The following TFEC variants were observed in gnomAD, a reference collection of about 807,000 sequenced individuals.
The protein encoded by TFEC is transcription factor EC, also known as class E basic helix-loop-helix protein 34.
Under a neutral mutation model 41.6 loss-of-function variants are expected in TFEC, and 31 were observed. That is an observed-to-expected ratio of 0.74 (90% confidence interval 0.56 to 1.01). The LOEUF (loss-of-function observed/expected upper bound fraction) is 1.01, where lower values mean the gene tolerates loss of function less well. TFEC is among the 50% of genes least tolerant of loss of function. TFEC has a pLI of 0.00. For missense variants in TFEC, 402 were observed against 404.1 expected, an observed-to-expected ratio of 0.99 and a Z score of 0.04; for synonymous variants, 143 against 140.6, an observed-to-expected ratio of 1.02 and a Z score of -0.12.
intron 5 of TFEC, 101 bp from the exon 6 acceptor site, chr7:115,951,050 A>T: frequency 3.5e-6 from 2 of 576,994 alleles, no homozygotes; most frequent in Non-Finnish European, 5.5e-6. Context: ...AATGGGAAAA[A>T]AACTTTCCAT....
At chr7:116,090,918 G>A (rs1003118294) in intron 3 of TFEC, among the ~76,000 whole-genome samples, 1 of 151,304 alleles carries the variant, frequency 6.6e-6, no homozygotes, top group Non-Finnish European at 1.5e-5. Flanking sequence ...GTTGAACAAT[G>A]AGAACATAGG....
At chr7:116,071,350 A>T (rs918068648) in intron 3 of TFEC, among the ~76,000 whole-genome samples, 2 of 134,292 alleles carry the variant, frequency 1.5e-5, no homozygotes, top group Non-Finnish European at 3.1e-5. Context: ...TACTAGAGTT[A>T]AAAAAAAAAA....
At chr7:116,138,314 CATGAT>C (rs1325074897) in intron 1 of TFEC, among the ~76,000 whole-genome samples, 1 of 152,250 alleles carries the variant, frequency 6.6e-6, no homozygotes, top group East Asian at 1.9e-4. Flanking sequence ...TTTTCATAAG[CATGAT>C]ATTATCTGAA....
At chr7:116,117,597 C>T (rs1439240534) in intron 1 of TFEC, 1 of 151,718 alleles carries the variant, frequency 6.6e-6, no homozygotes, top group Non-Finnish European at 1.5e-5. Context: ...GTGGAGTTCT[C>T]GAACTGTTAT....
At chr7:116,085,338 G>T (rs1359173607) in intron 3 of TFEC, among the ~76,000 whole-genome samples, 2 of 151,898 alleles carry the variant, frequency 1.3e-5, no homozygotes, top group Non-Finnish European at 2.9e-5. Flanking sequence ...ATGTGTCAAA[G>T]AGTTTTTAAA....
At chr7:116,015,454 G>A (rs549134804) in intron 1 of TFEC, among the ~76,000 whole-genome samples, 1 of 152,198 alleles carries the variant, frequency 6.6e-6, no homozygotes, top group Admixed American at 6.5e-5. Flanking sequence ...TATCCATAAG[G>A]AAGTACAAGC....
intron 3 of TFEC, among the ~76,000 whole-genome samples, chr7:116,053,379 A>T (rs1447664561): frequency 6.6e-6 from 1 of 152,240 alleles, no homozygotes; most frequent in African/African-American, 2.4e-5. Context: ...GAGTGTGAAC[A>T]AAGGCATTTG....
chr7:115,982,771 C>A (rs2130664238), intron 2 of TFEC, among the ~76,000 whole-genome samples: 1 of 152,110 alleles, frequency 6.6e-6, no homozygotes, highest in South Asian at 2.1e-4. Flanking sequence ...CACCCAAAGA[C>A]CACTAAAAAC....
chr7:116,099,789 T>C (rs1797563015), intron 3 of TFEC, among the ~76,000 whole-genome samples: 1 of 152,242 alleles, frequency 6.6e-6, no homozygotes, highest in African/African-American at 2.4e-5. Context: ...TAGTAGTTGG[T>C]ATTGCAACAA....
intron 1 of TFEC, among the ~76,000 whole-genome samples, chr7:115,991,062 G>A (rs1156935269): frequency 1.3e-5 from 2 of 152,304 alleles, no homozygotes; most frequent in South Asian, 2.1e-4. Flanking sequence ...CTAGAAGAGA[G>A]GGGGGCCAGT....
chr7:116,054,441 G>A (rs1796382282), intron 3 of TFEC, among the ~76,000 whole-genome samples: 1 of 152,094 alleles, frequency 6.6e-6, no homozygotes, highest in African/African-American at 2.4e-5. Context: ...AAGAAGAAGT[G>A]AGAGACCAAA....
chr7:115,982,590 T>C (rs1441877063), intron 2 of TFEC, among the ~76,000 whole-genome samples: 1 of 152,194 alleles, frequency 6.6e-6, no homozygotes, highest in South Asian at 2.1e-4. Context: ...TGTGATTAAA[T>C]GGACATTAAT....
chr7:115,937,239 TTTAAA>T lies in TFEC; in HGVS notation c.*3307_*3311del, dbSNP rs1181679591. The stretch of plus-strand genomic sequence containing the variant: ...TATAATTGTAATTATGAATTAAATC[TTTAAA>T]TGAAAAGGGATAATTGTATATTAAT... On this transcript the variant is annotated 3_prime_UTR_variant, in exon 8 of 8. Coordinates refer to ENST00000265440, the MANE Select transcript of TFEC (RefSeq NM_012252.4). 5.9e-5 allele frequency: 9 copies of T among 151,732 alleles called. No homozygotes were observed. The highest frequency in any genetic ancestry group is 2.2e-4 in the African/African-American group (9 of 41,400). The allele number at this position is 151,732 out of a possible 1,614,324, so 9.4% of individuals were successfully genotyped here. A position where few individuals can be genotyped will look rare whatever the true frequency, so the allele number is the denominator to read the frequency against.
In TFEC at chr7:115,956,700, G is replaced by A; in HGVS notation, c.361C>T (p.Pro121Ser). ...TTACCTGTAATTTCTCTTTTCATTG[G>A]TAGACTACTTGGACAAGAAGCACTT... Reference protein sequence around the residue: ...LTSASCPSSLPMKREITETDT... With the variant: ...LTSASCPSSLSMKREITETDT... The change falls in exon 4 of 8, where the codon CCA becomes TCA. Residue 121 changes from proline (P) to serine (S), a missense_variant. Coordinates refer to ENST00000265440, the MANE Select transcript of TFEC (RefSeq NM_012252.4). 6.2e-7 allele frequency: 1 copy of A among 1,607,404 alleles called. No homozygotes were observed. The highest frequency in any genetic ancestry group is 8.5e-7 in the Non-Finnish European group (1 of 1,176,492).
intron 3 of TFEC, among the ~76,000 whole-genome samples, chr7:116,101,754 CAAAATT>C: frequency 6.6e-6 from 1 of 152,068 alleles, no homozygotes; most frequent in Non-Finnish European, 1.5e-5. Flanking sequence ...AGTTATATCT[CAAAATT>C]AGAAAATGCT....
At chr7:115,982,131 T>C (rs1793656297) in intron 2 of TFEC, among the ~76,000 whole-genome samples, 1 of 152,088 alleles carries the variant, frequency 6.6e-6, no homozygotes, top group South Asian at 2.1e-4. Flanking sequence ...ACTTATCCTG[T>C]GGTAGCTATG....
At chr7:116,121,351 A>C (rs1166825039) in intron 1 of TFEC, 1 of 152,056 alleles carries the variant, frequency 6.6e-6, no homozygotes, top group Non-Finnish European at 1.5e-5. Context: ...AATGTCCAGA[A>C]TAGGCAAATT....
rs1238640882 is a variant in TFEC at position 115,970,605 on chromosome 7, A to G, written c.267+3565T>C. ...GATATTTATAATACAGTAGATCAGC[A>G]TATATTCATGATCTAGAAGGAGGAG... is the stretch of plus-strand genomic sequence containing the variant. On this transcript the variant is annotated intron_variant, in intron 3 of 7. Coordinates refer to ENST00000265440, the MANE Select transcript of TFEC (RefSeq NM_012252.4). Among the ~76,000 whole-genome samples, 11 of 152,058 alleles carry G rather than the reference A, an allele frequency of 7.2e-5. 1 individual carries two copies. The highest frequency in any genetic ancestry group is 7.2e-4 in the Admixed American group (11 of 15,242).
At chr7:116,059,370 A>C (rs1274715180) in intron 3 of TFEC, among the ~76,000 whole-genome samples, 1 of 151,948 alleles carries the variant, frequency 6.6e-6, no homozygotes, top group East Asian at 1.9e-4. Flanking sequence ...GCTTCCCAAG[A>C]AGAAAACTCT....
Sources: allele counts gnomAD v4.1 joint callset (sites outside exome capture counted in the v4.1 genomes callset), GRCh38; gene constraint gnomAD v4.1.1; transcripts MANE v1.5; gene names NCBI Gene and HGNC (gene_info 2026-07-23, HGNC 2026-07-21).